TMEM87B: variants seen among roughly 807,000 people sequenced by gnomAD.
The protein encoded by TMEM87B is transmembrane protein 87B.
TMEM87B carries 83 observed loss-of-function variants against 80.3 expected under a neutral mutation model. The ratio of observed to expected loss-of-function variants is 1.03; its 90% CI spans 0.87 to 1.24. The LOEUF (loss-of-function observed/expected upper bound fraction) is 1.24, where lower values mean the gene tolerates loss of function less well. TMEM87B is among the 50% of genes most tolerant of loss of function. The probability of loss-of-function intolerance (pLI) is 0.00; values close to 1 mark genes in which losing one functional copy is unlikely to be tolerated. For synonymous variants in TMEM87B, 219 were observed against 230.5 expected, an observed-to-expected ratio of 0.95 and a Z score of 0.45; for missense variants, 625 against 674.4, an observed-to-expected ratio of 0.93 and a Z score of 0.81.
intron 17 of TMEM87B, among the ~76,000 whole-genome samples, chr2:112,109,308 CT>C (rs1679850346): frequency 6.6e-6 from 1 of 152,058 alleles, no homozygotes; most frequent in African/African-American, 2.4e-5. Context: ...TTTCTTCTTT[CT>C]TTCCTCTATA....
At chr2:112,094,157 T>C (rs967546013) in intron 11 of TMEM87B, among the ~76,000 whole-genome samples, 1 of 151,650 alleles carries the variant, frequency 6.6e-6, no homozygotes, top group African/African-American at 2.4e-5. Context: ...AAAGATTTCT[T>C]GTTCTTTTTT....
intron 15 of TMEM87B, among the ~76,000 whole-genome samples, chr2:112,102,768 C>T (rs1679665220): frequency 6.6e-6 from 1 of 151,780 alleles, no homozygotes; most frequent in African/African-American, 2.4e-5. Flanking sequence ...ACAAAAGTAT[C>T]TCAGTGGGTA....
Position 112,084,532 on chromosome 2 carries a change from G to A in TMEM87B, c.839-1473G>A, listed in dbSNP as rs1558839441. On this transcript the variant is annotated intron_variant, in intron 8 of 18. Transcript: ENST00000283206. ...TCCTCTCGCTGCATGATACTGCCAG[G>A]AGACCTCAGGACCATCTTTCACATC... Among the ~76,000 whole-genome samples the A allele has an allele frequency of 1.3e-5, 2 of 152,312 alleles. 1 individual carries two copies. Among genetic ancestry groups the A allele is most frequent in the South Asian group, 4.1e-4 (2 of 4,828 alleles).
intron 8 of TMEM87B, among the ~76,000 whole-genome samples, chr2:112,083,132 C>G (rs777169776): frequency 1.3e-5 from 2 of 152,278 alleles, no homozygotes; most frequent in South Asian, 4.1e-4. Context: ...CTGTTAGGAC[C>G]CGACGTGGGT....
intron 8 of TMEM87B, 28 bp downstream of exon 8, chr2:112,081,546 A>C: frequency 6.3e-7 from 1 of 1,578,478 alleles, no homozygotes; most frequent in Non-Finnish European, 8.6e-7. Context: ...CTGTAAATAT[A>C]GTATGATCTA....
chr2:112,088,699 C>T (rs568137752), intron 9 of TMEM87B, among the ~76,000 whole-genome samples: 48 of 152,034 alleles, frequency 3.2e-4, no homozygotes, highest in Non-Finnish European at 6.5e-4. Flanking sequence ...TTGCAAAAAC[C>T]ACCATCTTTG....
chr2:112,062,932 G>A (rs1371288583), intron 2 of TMEM87B, among the ~76,000 whole-genome samples: 1 of 152,170 alleles, frequency 6.6e-6, no homozygotes, highest in East Asian at 1.9e-4. Context: ...TGGGCAGGCT[G>A]CCCTTCAGCC....
chr2:112,107,744 G>C, intron 16 of TMEM87B, 44 bp from the exon 17 acceptor site: 1 of 1,191,324 alleles, frequency 8.4e-7, no homozygotes. Flanking sequence ...AAATTCTGCT[G>C]TCAGGTGATA....
chr2:112,099,525 C>CGTATATATAT (rs1679566692), intron 14 of TMEM87B, among the ~76,000 whole-genome samples: 1 of 122,820 alleles, frequency 8.1e-6, no homozygotes, highest in African/African-American at 3.3e-5. Flanking sequence ...TACAATAATA[C>CGTATATATAT]ATATATATAT....
intron 15 of TMEM87B, among the ~76,000 whole-genome samples, chr2:112,104,900 A>T (rs561274816): frequency 6.6e-6 from 1 of 152,332 alleles, no homozygotes; most frequent in South Asian, 2.1e-4. Flanking sequence ...CCAACACTCT[A>T]TAACATAACT....
chr2:112,094,230 C>G (rs1254133618), intron 11 of TMEM87B, among the ~76,000 whole-genome samples: 2 of 149,206 alleles, frequency 1.3e-5, no homozygotes, highest in Non-Finnish European at 1.5e-5. Flanking sequence ...GGCGTGATCT[C>G]AACTCACTGC....
At chr2:112,107,248 C>T (rs1271419648) in intron 16 of TMEM87B, among the ~76,000 whole-genome samples, 1 of 151,692 alleles carries the variant, frequency 6.6e-6, no homozygotes, top group Non-Finnish European at 1.5e-5. Context: ...ATCCCAGCTA[C>T]TCGGGAGGCT....
At chr2:112,077,058 G>GA (rs1443188037) in intron 5 of TMEM87B, 134 bp from the exon 6 acceptor site, 8 of 435,152 alleles carry the variant, frequency 1.8e-5, no homozygotes, top group Middle Eastern at 6.4e-4. Flanking sequence ...AAAAAAAAAG[G>GA]AAAAAATTAA....
At chr2:112,070,496 G>A (rs928221711) in intron 4 of TMEM87B, among the ~76,000 whole-genome samples, 3 of 151,974 alleles carry the variant, frequency 2.0e-5, no homozygotes, top group South Asian at 2.1e-4. Flanking sequence ...CGTGTGCTCC[G>A]ATATTTCTGG....
chr2:112,070,818 C>G (rs1175661739), intron 4 of TMEM87B, among the ~76,000 whole-genome samples: 1 of 145,308 alleles, frequency 6.9e-6, no homozygotes, highest in Non-Finnish European at 1.5e-5. Flanking sequence ...CATGGAACAT[C>G]TTTTTTTTTT....
At chr2:112,059,775 C>T (rs1197687620) in intron 1 of TMEM87B, among the ~76,000 whole-genome samples, 2 of 152,178 alleles carry the variant, frequency 1.3e-5, no homozygotes, top group Non-Finnish European at 2.9e-5. Context: ...GAGGCCAGAG[C>T]CCTCCTGATC....
At chr2:112,085,349 TC>T (rs1349717800) in intron 8 of TMEM87B, among the ~76,000 whole-genome samples, 1 of 152,212 alleles carries the variant, frequency 6.6e-6, no homozygotes. Context: ...TGCTTTGTCA[TC>T]CCCCACCCCC....
At chr2:112,056,031 G>T (rs1025736568) in intron 1 of TMEM87B, among the ~76,000 whole-genome samples, 54 of 152,154 alleles carry the variant, frequency 3.5e-4, no homozygotes, top group African/African-American at 1.3e-3. Context: ...CACCATGCCC[G>T]ACGCCGTGGC....
chr2:112,109,664 C>CTTTTGTTT (rs1679857541), intron 17 of TMEM87B, among the ~76,000 whole-genome samples: 1 of 46,342 alleles, frequency 2.2e-5, no homozygotes. Context: ...TAAGTATGGT[C>CTTTTGTTT]TTTTTTTTTT....
Sources: allele counts gnomAD v4.1 joint callset (sites outside exome capture counted in the v4.1 genomes callset), GRCh38; gene constraint gnomAD v4.1.1; transcripts MANE v1.5; gene names NCBI Gene and HGNC (gene_info 2026-07-23, HGNC 2026-07-21).